The following UNC13C variants were observed in gnomAD, a reference collection of about 807,000 sequenced individuals.
The protein encoded by UNC13C is protein unc-13 homolog C.
Under a neutral mutation model 245.4 loss-of-function variants are expected in UNC13C, and 174 were observed. The ratio of observed to expected loss-of-function variants is 0.71; its 90% CI spans 0.63 to 0.80. The LOEUF (loss-of-function observed/expected upper bound fraction) is 0.80. UNC13C is among the 30% of genes least tolerant of loss of function. UNC13C has a pLI of 0.00. For synonymous variants in UNC13C, 992 were observed against 895.1 expected (o/e 1.11, Z -1.93); for missense variants, 2,829 against 2,602.9 (o/e 1.09, Z -1.89).
At chr15:54,471,848 A>G (rs1299474966) in intron 19 of UNC13C, among the ~76,000 whole-genome samples, 2 of 151,718 alleles carry the variant, frequency 1.3e-5, no homozygotes, top group African/African-American at 4.8e-5. Context: ...AAGGTGAAAA[A>G]GACCCAATTA....
intron 19 of UNC13C, among the ~76,000 whole-genome samples, chr15:54,472,050 G>C (rs1407563689): frequency 2.0e-5 from 3 of 151,578 alleles, no homozygotes; most frequent in Admixed American, 2.0e-4. Context: ...CTGTACCTTT[G>C]CTTACTTTCA....
Position 54,014,736 on chromosome 15 carries a change from G to A in UNC13C, c.1833G>A (p.Gln611=), listed in dbSNP as rs750739938. The change falls in exon 2 of 33, where the codon CAG becomes CAA. Residue 611 remains glutamine, a synonymous_variant. Coordinates refer to ENST00000260323, the MANE Select transcript of UNC13C (RefSeq NM_001080534.3). ...PKDQHLNGGV[Q]GIQGQTETEN... is the part of the protein sequence containing the mutation. ...ACCAGCATTTGAATGGAGGTGTTCA[G>A]GGTATCCAAGGGCAGACTGAAACTG... is the stretch of plus-strand genomic sequence containing the variant. 6.2e-7 allele frequency: 1 copy of A among 1,613,748 alleles called. No homozygotes were observed. The highest frequency in any genetic ancestry group is 8.5e-7 in the Non-Finnish European group (1 of 1,179,838).
chr15:54,336,256 A>C (rs2038572121), intron 16 of UNC13C, among the ~76,000 whole-genome samples: 1 of 152,178 alleles, frequency 6.6e-6, no homozygotes, highest in East Asian at 1.9e-4. Flanking sequence ...TAGCTAATTA[A>C]CGTATGCATT....
intron 30 of UNC13C, among the ~76,000 whole-genome samples, chr15:54,572,761 A>T (rs1483593985): frequency 1.3e-5 from 2 of 151,974 alleles, no homozygotes; most frequent in African/African-American, 4.8e-5. Flanking sequence ...TCTGTGGGGG[A>T]AATTACTGTT....
At chr15:53,888,311 T>G in the UNC13C span, among the ~76,000 whole-genome samples, 1 of 152,238 alleles carries the variant, frequency 6.6e-6, no homozygotes. Context: ...CCAGTGATGA[T>G]GAACATTTTT....
At chr15:54,526,666 C>T (rs1038014599) in intron 25 of UNC13C, among the ~76,000 whole-genome samples, 8 of 150,302 alleles carry the variant, frequency 5.3e-5, no homozygotes, top group African/African-American at 2.0e-4. Flanking sequence ...ATGGCGTGAA[C>T]CCTGGAGGTG....
At chr15:54,581,881 G>A (rs1440589048) in intron 30 of UNC13C, among the ~76,000 whole-genome samples, 2 of 152,168 alleles carry the variant, frequency 1.3e-5, no homozygotes, top group Non-Finnish European at 2.9e-5. Flanking sequence ...GGAGATGAAA[G>A]AAGTAGATTG....
intron 23 of UNC13C, among the ~76,000 whole-genome samples, chr15:54,509,948 A>G (rs1040610273): frequency 3.3e-5 from 5 of 152,124 alleles, no homozygotes; most frequent in Admixed American, 1.3e-4. Context: ...CTTGGGGTCA[A>G]TAGCAATCCA....
intron 7 of UNC13C, among the ~76,000 whole-genome samples, chr15:54,240,877 G>A (rs1416055020): frequency 2.0e-5 from 3 of 152,152 alleles, no homozygotes; most frequent in South Asian, 2.1e-4. Flanking sequence ...ATCTGACAGT[G>A]GGGCAATCAA....
intron 17 of UNC13C, among the ~76,000 whole-genome samples, chr15:54,339,360 C>T (rs767491496): frequency 2.0e-5 from 3 of 152,012 alleles, no homozygotes; most frequent in Non-Finnish European, 4.4e-5. Flanking sequence ...TTTCGGTGCA[C>T]CCATCACCCA....
intron 19 of UNC13C, among the ~76,000 whole-genome samples, chr15:54,472,617 A>C (rs1892522328): frequency 6.6e-6 from 1 of 151,866 alleles, no homozygotes; most frequent in South Asian, 2.1e-4. Context: ...CTGAGAAAGT[A>C]TTTATCACTC....
At chr15:54,113,303 A>G (rs1237872493) in intron 2 of UNC13C, among the ~76,000 whole-genome samples, 1 of 152,192 alleles carries the variant, frequency 6.6e-6, no homozygotes. Context: ...ATGATCTACT[A>G]AACTCTGGGA....
At chr15:54,408,199 CAAAAAAAAAAAAAAAAAAA>C (rs71105808) in intron 18 of UNC13C, among the ~76,000 whole-genome samples, 4 of 29,130 alleles carry the variant, frequency 1.4e-4, no homozygotes, top group African/African-American at 3.5e-4. Flanking sequence ...GACTCTGCCT[CAAAAAAAAAAAAAAAAAAA>C]AAAAAAAAAA....
intron 14 of UNC13C, among the ~76,000 whole-genome samples, chr15:54,322,681 C>T (rs183908153): frequency 1.1e-3 from 168 of 152,108 alleles, no homozygotes; most frequent in African/African-American, 3.9e-3. Flanking sequence ...CCCAAGAATT[C>T]GTCTGTTGCA....
intron 2 of UNC13C, among the ~76,000 whole-genome samples, chr15:54,028,079 G>T (rs934147575): frequency 3.3e-5 from 5 of 152,134 alleles, no homozygotes; most frequent in African/African-American, 1.2e-4. Context: ...GTTAATAGTT[G>T]CAGCTGCCCA....
intron 1 of UNC13C, among the ~76,000 whole-genome samples, chr15:53,986,580 AATTAAG>A (rs147497479): frequency 0.017 from 2,557 of 152,200 alleles, 81 homozygotes; most frequent in African/African-American, 0.058. Context: ...TTCCAAATTT[AATTAAG>A]ATTATAAAAC....
rs184996903 is a variant in UNC13C at position 54,054,603 on chromosome 15, G to A, written c.2983+38717G>A. 2.0e-3 allele frequency among the ~76,000 whole-genome samples: 311 copies of A among 152,204 alleles called. 1 individual carries two copies. Among genetic ancestry groups the A allele is most frequent in the African/African-American group, 7.0e-3 (290 of 41,538 alleles). The stretch of plus-strand genomic sequence containing the variant: ...ATTTATAATTTAAATATGGGAATGT[G>A]ACCCAAATTTGAAGGATTTTCTTCA... On this transcript the variant is annotated intron_variant, in intron 2 of 32. Transcript: ENST00000260323.
At chr15:54,047,860 A>C (rs889127995) in intron 2 of UNC13C, among the ~76,000 whole-genome samples, 1 of 152,158 alleles carries the variant, frequency 6.6e-6, no homozygotes, top group South Asian at 2.1e-4. Context: ...TTTTATTATC[A>C]GCATTCATAT....
chr15:54,264,911 T>C (rs1274730966), intron 9 of UNC13C, among the ~76,000 whole-genome samples: 1 of 151,928 alleles, frequency 6.6e-6, no homozygotes, highest in East Asian at 1.9e-4. Context: ...CTTCACTTAC[T>C]CATTTTGTAT....
Sources: gnomAD v4.1 joint callset for allele counts (sites outside exome capture counted in the v4.1 genomes callset) on GRCh38, gnomAD v4.1.1 for gene constraint, MANE v1.5 for transcripts, NCBI Gene and HGNC (gene_info 2026-07-23, HGNC 2026-07-21) for gene names.